The following TOP6BL variants were observed in gnomAD, a reference collection of about 807,000 sequenced individuals.
TOP6BL encodes TOP6B like initiator of meiotic double strand breaks.
the TOP6BL span, among the ~76,000 whole-genome samples, chr11:66,819,759 T>C: frequency 1.3e-5 from 2 of 151,648 alleles, no homozygotes; most frequent in African/African-American, 4.8e-5. Flanking sequence ...AAAAATTAGC[T>C]GGGTGTGGTG....
At chr11:66,749,542 C>G in the TOP6BL span, among the ~76,000 whole-genome samples, 1 of 152,050 alleles carries the variant, frequency 6.6e-6, no homozygotes, top group African/African-American at 2.4e-5. Context: ...TTTATTGTCT[C>G]TGAGCTTTAA....
chr11:66,773,770 T>C, the TOP6BL span, among the ~76,000 whole-genome samples: 3 of 152,204 alleles, frequency 2.0e-5, no homozygotes, highest in Admixed American at 2.0e-4. Flanking sequence ...AGAGTCTCGC[T>C]CTGTTGCTCA....
chr11:66,833,917 C>T, the TOP6BL span, among the ~76,000 whole-genome samples: 2 of 151,412 alleles, frequency 1.3e-5, no homozygotes, highest in African/African-American at 4.9e-5. Flanking sequence ...CACTGCACTC[C>T]AGCCTGGGTG....
At chr11:66,830,672 C>T in the TOP6BL span, among the ~76,000 whole-genome samples, 2 of 152,014 alleles carry the variant, frequency 1.3e-5, no homozygotes, top group African/African-American at 4.8e-5. Context: ...AAAGAATGAA[C>T]ACAAATTATC....
the TOP6BL span, among the ~76,000 whole-genome samples, chr11:66,770,759 A>T: frequency 6.6e-6 from 1 of 152,240 alleles, no homozygotes; most frequent in Middle Eastern, 3.4e-3. Context: ...TTTAAACTCC[A>T]TCTTCCCCTT....
At chr11:66,823,945 C>G in the TOP6BL span, among the ~76,000 whole-genome samples, 1 of 152,162 alleles carries the variant, frequency 6.6e-6, no homozygotes, top group African/African-American at 2.4e-5. Context: ...TTACCTATTA[C>G]GTGTATGTGG....
At chr11:66,783,224 G>T in the TOP6BL span, among the ~76,000 whole-genome samples, 4 of 152,050 alleles carry the variant, frequency 2.6e-5, no homozygotes, top group African/African-American at 9.7e-5. Context: ...AGATTAGCTG[G>T]GCATCGTGTA....
chr11:66,837,542 T>C, the TOP6BL span, among the ~76,000 whole-genome samples: 1 of 151,506 alleles, frequency 6.6e-6, no homozygotes, highest in Admixed American at 6.6e-5. Flanking sequence ...CCTCCCAGGT[T>C]CAAGCAATTT....
At chr11:66,778,756 C>T in the TOP6BL span, among the ~76,000 whole-genome samples, 1 of 152,162 alleles carries the variant, frequency 6.6e-6, no homozygotes, top group African/African-American at 2.4e-5. Context: ...TACCTGACTT[C>T]AAACTATTCT....
chr11:66,747,661 A>G, the TOP6BL span, among the ~76,000 whole-genome samples: 7 of 152,156 alleles, frequency 4.6e-5, no homozygotes, highest in African/African-American at 7.2e-5. Context: ...ATTCAAATCC[A>G]GGTGTGGAGT....
chr11:66,774,267 C>T, the TOP6BL span, among the ~76,000 whole-genome samples: 1 of 152,090 alleles, frequency 6.6e-6, no homozygotes. Context: ...TATTATTATT[C>T]TGTCATATAC....
chr11:66,767,029 T>C, the TOP6BL span, among the ~76,000 whole-genome samples: 1 of 152,212 alleles, frequency 6.6e-6, no homozygotes, highest in Non-Finnish European at 1.5e-5. Flanking sequence ...TCTGCCTTTA[T>C]AATATAAAAT....
At chr11:66,834,104 C>T in the TOP6BL span, among the ~76,000 whole-genome samples, 1 of 152,210 alleles carries the variant, frequency 6.6e-6, no homozygotes, top group Non-Finnish European at 1.5e-5. Context: ...GGAACACTTA[C>T]TGAATCCCTA....
the TOP6BL span, among the ~76,000 whole-genome samples, chr11:66,832,078 T>A: frequency 6.6e-6 from 1 of 151,546 alleles, no homozygotes; most frequent in Non-Finnish European, 1.5e-5. Context: ...TCAACAGTTA[T>A]AACAAGTATG....
At chr11:66,809,671 G>A in the TOP6BL span, among the ~76,000 whole-genome samples, 1 of 152,130 alleles carries the variant, frequency 6.6e-6, no homozygotes, top group Admixed American at 6.6e-5. Flanking sequence ...AAAGTTTTTA[G>A]CATCAGATAG....
chr11:66,773,962 C>T, the TOP6BL span, among the ~76,000 whole-genome samples: 3 of 152,148 alleles, frequency 2.0e-5, no homozygotes, highest in Non-Finnish European at 4.4e-5. Flanking sequence ...CTCCTGACCT[C>T]AGGTGATCCA....
At chr11:66,796,504 T>C in the TOP6BL span, 7 of 666,746 alleles carry the variant, frequency 1.0e-5, no homozygotes, top group South Asian at 1.6e-4. Flanking sequence ...ATATTTGAGG[T>C]CATGGTGGCT....
At chr11:66,763,607 T>A in the TOP6BL span, among the ~76,000 whole-genome samples, 1 of 151,628 alleles carries the variant, frequency 6.6e-6, no homozygotes, top group African/African-American at 2.4e-5. Flanking sequence ...ACTGCACCTG[T>A]CCTATTATTA....
chr11:66,773,334 A>C, the TOP6BL span, among the ~76,000 whole-genome samples: 1 of 148,328 alleles, frequency 6.7e-6, no homozygotes, highest in African/African-American at 2.5e-5. Context: ...GATTATAGGC[A>C]CGTACCACTG....
Sources: gnomAD v4.1 joint callset for allele counts (sites outside exome capture counted in the v4.1 genomes callset) on GRCh38, gnomAD v4.1.1 for gene constraint, MANE v1.5 for transcripts, NCBI Gene and HGNC (gene_info 2026-07-23, HGNC 2026-07-21) for gene names.